The following UXS1 variants were observed in gnomAD, a reference collection of about 807,000 sequenced individuals.
UXS1 encodes the protein UDP-glucuronic acid decarboxylase 1.
Under a neutral mutation model 62.6 loss-of-function variants are expected in UXS1, and 33 were observed. The observed-to-expected ratio is 0.53, with a 90% CI of 0.40 to 0.70. The LOEUF is 0.70. UXS1 is among the 30% of genes least tolerant of loss of function. UXS1 has a pLI of 0.00. For synonymous variants in UXS1, 213 were observed against 206.8 expected (o/e 1.03, Z -0.26); for missense variants, 434 against 556.3 (o/e 0.78, Z 2.21).
At chr2:106,161,017 G>A (rs889748413) in intron 4 of UXS1, among the ~76,000 whole-genome samples, 2 of 152,152 alleles carry the variant, frequency 1.3e-5, no homozygotes, top group Admixed American at 1.3e-4. Context: ...GTCCTCCTCA[G>A]TATGCATGTC....
intron 6 of UXS1, chr2:106,138,971 A>G: frequency 1.4e-6 from 1 of 710,250 alleles, no homozygotes; most frequent in South Asian, 6.3e-5. Flanking sequence ...GAGCAGGGAC[A>G]AATAACCAGC....
chr2:106,098,288 C>A lies in UXS1; in HGVS notation c.1042+428G>T, dbSNP rs1677293761. Among the ~76,000 whole-genome samples the A allele has an allele frequency of 2.6e-5, 4 of 152,200 alleles. 1 individual carries two copies. The South Asian group carries it at 8.3e-4, about 32-fold the overall frequency. ...GGGTGCTCCCAATGCTACACTGCCC[C>A]CAGTGGGTGGCAGCCAGGATAACCA... On this transcript the variant is annotated intron_variant, in intron 13 of 14. Transcript: ENST00000283148.
rs114466275 is a variant in UXS1 at position 106,114,052 on chromosome 2, T to C, written c.760-1287A>G. ...ACTTAGCACAGAATTTCTCCACCAG[T>C]ATAGCGAGTTAAAGGGCATGAACCA... On this transcript the variant is annotated intron_variant, in intron 9 of 14. Transcript: ENST00000283148. 2.7e-3 allele frequency among the ~76,000 whole-genome samples: 413 copies of C among 152,274 alleles called. 1 individual carries two copies. The highest frequency in any genetic ancestry group is 9.4e-3 in the African/African-American group (389 of 41,552).
In UXS1 at chr2:106,129,693, A is replaced by T; in HGVS notation, c.558T>A (p.Ile186=). ...ACTTACCCAACATGTTTAATGTCCC[A>T]ATCGTATTGGTCTTTAATGTCTTGA... The part of the protein sequence containing the change: ...NPIKTLKTNT[I]GTLNMLGLAK... Residue 186 remains isoleucine, a synonymous_variant, in exon 7 of 15, where the codon ATT becomes ATA. Transcript: ENST00000283148. 6.2e-7 allele frequency: 1 copy of T among 1,611,532 alleles called. No individual in the cohort carries two copies. Among genetic ancestry groups the T allele is most frequent in the East Asian group, 2.2e-5 (1 of 44,862 alleles).
chr2:106,137,073 C>T (rs1460582703), intron 6 of UXS1, among the ~76,000 whole-genome samples: 1 of 145,178 alleles, frequency 6.9e-6, no homozygotes, highest in African/African-American at 2.6e-5. Flanking sequence ...AGAGAACTAA[C>T]AAAACACAAA....
rs545079159 is a variant in UXS1 at position 106,093,623 on chromosome 2, T to C, written c.*403A>G. 1 of 161,382 alleles carries C rather than the reference T, an allele frequency of 6.2e-6. No homozygotes were observed. The highest frequency in any genetic ancestry group is 1.3e-5 in the Non-Finnish European group (1 of 74,230). 10.0% of individuals were successfully genotyped at this position (161,382 alleles called of 1,614,324 possible). A position where few individuals can be genotyped will look rare whatever the true frequency, so the allele number is the denominator to read the frequency against. On this transcript the variant is annotated 3_prime_UTR_variant, in exon 15 of 15. Coordinates refer to ENST00000283148, the MANE Select transcript of UXS1 (RefSeq NM_001253875.2). Reference sequence around the variant, plus strand: ...CTAGGATTTTTCTTTATGCATAGTATAACGACTCATTTATTAAGTACCCAC... The same window carrying C: ...CTAGGATTTTTCTTTATGCATAGTACAACGACTCATTTATTAAGTACCCAC...
intron 1 of UXS1, among the ~76,000 whole-genome samples, chr2:106,190,731 G>A (rs759006154): frequency 3.4e-4 from 35 of 102,604 alleles, no homozygotes; most frequent in African/African-American, 9.6e-4. Flanking sequence ...CAACAAAAGC[G>A]AAACTCTGTA....
intron 6 of UXS1, chr2:106,138,844 C>T: frequency 1.0e-6 from 1 of 985,432 alleles, no homozygotes; most frequent in South Asian, 4.7e-5. Context: ...AGAATGTGTT[C>T]TTCCTGTAAC....
At chr2:106,107,853 C>T (rs1280093857) in intron 10 of UXS1, among the ~76,000 whole-genome samples, 1 of 152,214 alleles carries the variant, frequency 6.6e-6, no homozygotes, top group Non-Finnish European at 1.5e-5. Flanking sequence ...GCTATGCTGC[C>T]TTCAGGTACG....
chr2:106,160,895 A>G (rs1057177014), intron 4 of UXS1, among the ~76,000 whole-genome samples: 2 of 152,228 alleles, frequency 1.3e-5, no homozygotes, highest in Non-Finnish European at 2.9e-5. Flanking sequence ...TTTAGATTTC[A>G]TATGTATACG....
rs1684033039 is a variant in UXS1 at position 106,178,492 on chromosome 2, AAG to A, written c.95-12411_95-12410del. 2.1e-5 allele frequency among the ~76,000 whole-genome samples: 3 copies of A among 145,632 alleles called. No homozygotes were observed. The South Asian group carries it at 6.9e-4, about 33-fold the overall frequency. On this transcript the variant is annotated intron_variant, in intron 1 of 14. Transcript: ENST00000283148. Reference sequence around the variant, plus strand: ...CATACAAGTGTGTGTATATATATATAAGTATGTGTATGTATACATATACAAGT... The same window carrying A: ...CATACAAGTGTGTGTATATATATATATATGTGTATGTATACATATACAAGT...
chr2:106,112,093 C>G (rs1012837617), intron 10 of UXS1, among the ~76,000 whole-genome samples: 5 of 152,178 alleles, frequency 3.3e-5, no homozygotes, highest in Admixed American at 2.0e-4. Flanking sequence ...TCTGAGGGTA[C>G]CAAGCAGTCA....
chr2:106,095,578 T>A (rs1040891474), intron 14 of UXS1, among the ~76,000 whole-genome samples: 1 of 152,234 alleles, frequency 6.6e-6, no homozygotes, highest in Non-Finnish European at 1.5e-5. Context: ...CCAAGGGCCA[T>A]GCCAAGATGC....
intron 10 of UXS1, among the ~76,000 whole-genome samples, chr2:106,110,085 G>T (rs1367345503): frequency 6.6e-6 from 1 of 152,176 alleles, no homozygotes; most frequent in Non-Finnish European, 1.5e-5. Context: ...GGACAGAAAA[G>T]AATGAAGTCA....
chr2:106,172,941 A>G (rs1683656267), intron 1 of UXS1, among the ~76,000 whole-genome samples: 1 of 152,070 alleles, frequency 6.6e-6, no homozygotes, highest in Non-Finnish European at 1.5e-5. Flanking sequence ...CAGTTCATCC[A>G]AGGTCTCAGC....
intron 9 of UXS1, among the ~76,000 whole-genome samples, chr2:106,120,537 C>T (rs998359280): frequency 6.6e-6 from 1 of 152,208 alleles, no homozygotes; most frequent in African/African-American, 2.4e-5. Flanking sequence ...CAGATGCAAA[C>T]CCTCAGCACA....
intron 1 of UXS1, among the ~76,000 whole-genome samples, chr2:106,182,090 A>G (rs533285845): frequency 6.6e-6 from 1 of 152,338 alleles, no homozygotes; most frequent in East Asian, 1.9e-4. Context: ...ATTTGATGGA[A>G]ATACACTTCA....
intron 6 of UXS1, among the ~76,000 whole-genome samples, chr2:106,143,933 G>A (rs1472928739): frequency 2.0e-5 from 3 of 152,142 alleles, no homozygotes; most frequent in Non-Finnish European, 2.9e-5. Flanking sequence ...TGCCTTTGAC[G>A]GTTCATGTGA....
chr2:106,177,672 G>T, intron 1 of UXS1, among the ~76,000 whole-genome samples: 1 of 152,308 alleles, frequency 6.6e-6, no homozygotes, highest in Middle Eastern at 3.4e-3. Context: ...AGGACACTGC[G>T]AGAAGGCGCC....
Sources: gnomAD v4.1 joint callset for allele counts (sites outside exome capture counted in the v4.1 genomes callset) on GRCh38, gnomAD v4.1.1 for gene constraint, MANE v1.5 for transcripts, NCBI Gene and HGNC (gene_info 2026-07-23, HGNC 2026-07-21) for gene names.